Variants in LIMCH1 observed in about 807,000 individuals in gnomAD.
LIMCH1 encodes LIM and calponin homology domains-containing protein 1.
LIMCH1 carries 113 observed loss-of-function variants against 176.5 expected under a neutral mutation model. That is an observed-to-expected ratio of 0.64 (90% confidence interval 0.55 to 0.75). The LOEUF is 0.75. LIMCH1 is among the 30% of genes least tolerant of loss of function. The pLI is 0.00. For synonymous variants in LIMCH1, 619 were observed against 645.9 expected (o/e 0.96, Z 0.63); for missense variants, 1,674 against 1,814.9 (o/e 0.92, Z 1.41).
intron 1 of LIMCH1, among the ~76,000 whole-genome samples, chr4:41,428,414 G>C (rs1342396186): frequency 6.6e-6 from 1 of 152,102 alleles, no homozygotes; most frequent in African/African-American, 2.4e-5. Context: ...ACATGAAAAG[G>C]AAATAGAGAT....
chr4:41,563,120 A>G (rs969466513), intron 1 of LIMCH1, among the ~76,000 whole-genome samples: 1 of 152,216 alleles, frequency 6.6e-6, no homozygotes, highest in Non-Finnish European at 1.5e-5. Flanking sequence ...GGTTCATAGC[A>G]TAAACCGTGG....
At chr4:41,441,704 G>T (rs1432164544) in intron 1 of LIMCH1, among the ~76,000 whole-genome samples, 1 of 152,134 alleles carries the variant, frequency 6.6e-6, no homozygotes, top group Non-Finnish European at 1.5e-5. Flanking sequence ...TTACAAAGTT[G>T]TGTCTAATAC....
chr4:41,389,685 C>T (rs1461749243), intron 1 of LIMCH1: 1 of 152,228 alleles, frequency 6.6e-6, no homozygotes, highest in African/African-American at 2.4e-5. Context: ...CCCAACCTGC[C>T]TGCTCATCAG....
chr4:41,589,731 C>G (rs2087146229), intron 1 of LIMCH1, among the ~76,000 whole-genome samples: 1 of 152,158 alleles, frequency 6.6e-6, no homozygotes, highest in African/African-American at 2.4e-5. Flanking sequence ...CTGTGTCTGA[C>G]CTCTCCCAGG....
chr4:41,550,360 C>A (rs1329285088), intron 1 of LIMCH1, among the ~76,000 whole-genome samples: 2 of 151,754 alleles, frequency 1.3e-5, no homozygotes, highest in Non-Finnish European at 2.9e-5. Context: ...ACCTTTAGCT[C>A]ATTTTATTCT....
intron 1 of LIMCH1, among the ~76,000 whole-genome samples, chr4:41,572,370 TATTAC>T (rs1395624635): frequency 2.6e-5 from 4 of 152,188 alleles, no homozygotes; most frequent in African/African-American, 9.7e-5. Flanking sequence ...TTTGGTTTTA[TATTAC>T]ATTTTAGTGT....
intron 6 of LIMCH1, chr4:41,619,718 G>A (rs1294940047): frequency 4.2e-6 from 2 of 472,234 alleles, no homozygotes; most frequent in African/African-American, 1.9e-5. Context: ...AGGACATTGA[G>A]AGCAAATCTG....
At chr4:41,360,480 C>A (rs921757682), upstream of LIMCH1, among the ~76,000 whole-genome samples, 27 of 152,074 alleles carry the variant, frequency 1.8e-4, no homozygotes, top group Admixed American at 5.2e-4. The surrounding 1 kb of genome is among the most constrained non-coding windows in gnomAD (Gnocchi z 4.5). Context: ...TCTATCGGGC[C>A]GGGTGTGAAC....
intron 1 of LIMCH1, among the ~76,000 whole-genome samples, chr4:41,471,779 C>T (rs774143476): frequency 2.6e-4 from 40 of 152,148 alleles, no homozygotes; most frequent in Non-Finnish European, 5.0e-4. Context: ...AGGCTGTGAT[C>T]TACCTTTTTG....
intron 1 of LIMCH1, among the ~76,000 whole-genome samples, chr4:41,404,008 G>T (rs542377150): frequency 4.6e-5 from 7 of 152,346 alleles, no homozygotes; most frequent in African/African-American, 1.7e-4. Flanking sequence ...TGAGGTAGAG[G>T]TACAAGGAAA....
upstream of LIMCH1, chr4:41,360,744 G>A (rs1032034865): frequency 9.4e-5 from 78 of 828,630 alleles, no homozygotes; most frequent in African/African-American, 1.3e-3. The surrounding 1 kb of genome is among the most constrained non-coding windows in gnomAD (Gnocchi z 4.5). Context: ...GGGGAGGGGA[G>A]GCCGGCGGGC....
chr4:41,568,482 C>A (rs2083073636), intron 1 of LIMCH1, among the ~76,000 whole-genome samples: 1 of 152,186 alleles, frequency 6.6e-6, no homozygotes, highest in South Asian at 2.1e-4. Flanking sequence ...GTATTGAAAA[C>A]AGTGGTGACA....
chr4:41,473,996 G>GTGGT, intron 1 of LIMCH1, among the ~76,000 whole-genome samples: 1 of 151,336 alleles, frequency 6.6e-6, no homozygotes. Context: ...TGGCCAACAT[G>GTGGT]GAACAACCCT....
At chr4:41,403,496 G>A (rs1213840639) in intron 1 of LIMCH1, among the ~76,000 whole-genome samples, 8 of 152,106 alleles carry the variant, frequency 5.3e-5, no homozygotes, top group Non-Finnish European at 7.4e-5. Flanking sequence ...CAGGAGAATC[G>A]CTTGAACCCA....
chr4:41,509,748 C>T (rs1390188915), intron 2 of LIMCH1, among the ~76,000 whole-genome samples: 1 of 152,168 alleles, frequency 6.6e-6, no homozygotes, highest in Non-Finnish European at 1.5e-5. Context: ...GGTGAATATG[C>T]AGGACTCATG....
chr4:41,565,464 A>AAT (rs932440522), intron 1 of LIMCH1, among the ~76,000 whole-genome samples: 66 of 149,242 alleles, frequency 4.4e-4, no homozygotes, highest in African/African-American at 9.3e-4. Flanking sequence ...ATATGAGATA[A>AAT]ATATATATAT....
rs765630326 is a variant in LIMCH1 at position 41,471,119 on chromosome 4, G to T, written c.97-23417G>T. 4.6e-5 allele frequency among the ~76,000 whole-genome samples: 7 copies of T among 150,682 alleles called. No individual in the cohort carries two copies. The South Asian group carries it at 6.3e-4, about 14-fold the overall frequency. ...TTAGTAGAAATCTTAAAATAGTCAT[G>T]TGAAAAATAACAGAAATTGTAGAAT... On this transcript the variant is annotated intron_variant, in intron 1 of 26. Coordinates refer to the LIMCH1 transcript ENST00000313860.
At chr4:41,613,095 C>CAAGGTT in intron 4 of LIMCH1, 2 of 1,552,092 alleles carry the variant, frequency 1.3e-6, no homozygotes, top group African/African-American at 2.7e-5. Flanking sequence ...AAAGACAAGT[C>CAAGGTT]AAGGTTAAGG....
At chr4:41,515,480 A>G (rs902470192) in intron 2 of LIMCH1, among the ~76,000 whole-genome samples, 7 of 152,196 alleles carry the variant, frequency 4.6e-5, no homozygotes, top group Non-Finnish European at 8.8e-5. Flanking sequence ...GCCAATTTTC[A>G]CCAGTGGGAG....
Sources: gnomAD v4.1 joint callset for allele counts (sites outside exome capture counted in the v4.1 genomes callset) on GRCh38, gnomAD v4.1.1 for gene constraint, Gnocchi (gnomAD v3.1) non-coding constraint, MANE v1.5 for transcripts, NCBI Gene and HGNC (gene_info 2026-07-23, HGNC 2026-07-21) for gene names.